The following SYT1 variants were observed in gnomAD, a reference collection of about 807,000 sequenced individuals.
SYT1 encodes synaptotagmin-1.
In SYT1, 8 loss-of-function variants were observed where a neutral mutation model predicts 44.8. That is an observed-to-expected ratio of 0.18 (90% CI 0.10 to 0.32). The LOEUF (loss-of-function observed/expected upper bound fraction) is 0.32, where lower values mean the gene tolerates loss of function less well. Among genes scored for constraint, SYT1 ranks in the 10% least tolerant of loss-of-function variants. SYT1 has a pLI of 1.00. For missense variants in SYT1, 286 were observed against 509.3 expected, an observed-to-expected ratio of 0.56 and a Z score of 4.22; for synonymous variants, 154 against 188.8, an observed-to-expected ratio of 0.82 and a Z score of 1.51.
chr12:78,892,998 C>G (rs1285937479), intron 1 of SYT1, among the ~76,000 whole-genome samples: 5 of 151,744 alleles, frequency 3.3e-5, no homozygotes, highest in Admixed American at 2.0e-4. Flanking sequence ...AACTAAATTG[C>G]CCAAATAAGT....
At chr12:78,924,846 A>T (rs1241107856) in intron 1 of SYT1, among the ~76,000 whole-genome samples, 1 of 151,472 alleles carries the variant, frequency 6.6e-6, no homozygotes, top group Admixed American at 6.6e-5. Flanking sequence ...CCCTGGAATC[A>T]GTAATTTTCC....
intron 4 of SYT1, among the ~76,000 whole-genome samples, chr12:79,277,604 A>G (rs189982623): frequency 6.6e-6 from 1 of 152,300 alleles, no homozygotes; most frequent in African/African-American, 2.4e-5. Flanking sequence ...AAATAATAAC[A>G]CAGTGGAGAA....
At chr12:79,015,360 C>T (rs1871737086) in intron 2 of SYT1, among the ~76,000 whole-genome samples, 1 of 152,060 alleles carries the variant, frequency 6.6e-6, no homozygotes, top group East Asian at 1.9e-4. Context: ...GTAATATTGT[C>T]CTTTTGTTTT....
rs369631872 is a variant in SYT1 at position 79,100,961 on chromosome 12, T to G, written c.-18+53599T>G. Among the ~76,000 whole-genome samples the G allele has an allele frequency of 7.2e-5, 11 of 152,256 alleles. 1 individual carries two copies. The East Asian group carries it at 7.7e-4, about 11-fold the overall frequency. ...TGTGGCTTTAAAATAAGTATGTTAT[T>G]TCTACCTCACTGCAATGGAAAACAT... is the stretch of plus-strand genomic sequence containing the variant. On this transcript the variant is annotated intron_variant, in intron 3 of 10. Coordinates refer to ENST00000261205, the MANE Select transcript of SYT1 (RefSeq NM_005639.3).
intron 3 of SYT1, among the ~76,000 whole-genome samples, chr12:79,093,531 T>C (rs1024755871): frequency 7.9e-5 from 12 of 151,824 alleles, no homozygotes; most frequent in African/African-American, 2.4e-4. Context: ...TTTTTACCAG[T>C]GCACTTTTTC....
chr12:79,072,853 A>G lies in SYT1; in HGVS notation c.-18+25491A>G, dbSNP rs577424784. On this transcript the variant is annotated intron_variant, in intron 3 of 10. Coordinates refer to ENST00000261205, the MANE Select transcript of SYT1 (RefSeq NM_005639.3). ...GTATTGGGAACACAGCAATGAACAC[A>G]ATGTTCCAAGTCTCTGCCCTCAAAT... is the stretch of plus-strand genomic sequence containing the variant. Among the ~76,000 whole-genome samples the G allele has an allele frequency of 2.0e-5, 3 of 152,128 alleles. No individual in the cohort carries two copies. The East Asian group carries it at 5.8e-4, about 29-fold the overall frequency.
At chr12:79,092,318 A>G (rs1877831874) in intron 3 of SYT1, among the ~76,000 whole-genome samples, 1 of 151,830 alleles carries the variant, frequency 6.6e-6, no homozygotes, top group African/African-American at 2.4e-5. Context: ...AATGTTTCCA[A>G]TTGTGTCCTA....
intron 3 of SYT1, among the ~76,000 whole-genome samples, chr12:79,201,329 T>C (rs1446922689): frequency 1.3e-5 from 2 of 152,196 alleles, no homozygotes; most frequent in African/African-American, 4.8e-5. Flanking sequence ...TATTTAAAAG[T>C]TGATAAATCT....
In SYT1 at chr12:78,957,142, C is replaced by T. The variant is rs111882150; in HGVS notation, c.-216-20657C>T. Among the ~76,000 whole-genome samples, 202 of 152,170 alleles carry T rather than the reference C, an allele frequency of 1.3e-3. 1 individual carries two copies. Among genetic ancestry groups the T allele is most frequent in the Middle Eastern group, 0.01 (3 of 294 alleles). On this transcript the variant is annotated intron_variant, in intron 1 of 10. Transcript: ENST00000261205. Reference sequence around the variant, plus strand: ...GTTTTTCTATCAATTGTCAATTTACCGGAAAATATACCCATGTGCCTTGAT... The same window carrying T: ...GTTTTTCTATCAATTGTCAATTTACTGGAAAATATACCCATGTGCCTTGAT...
intron 1 of SYT1, among the ~76,000 whole-genome samples, chr12:78,952,989 T>C (rs189924894): frequency 2.2e-4 from 34 of 152,260 alleles, no homozygotes; most frequent in African/African-American, 7.7e-4. Flanking sequence ...ATTTTTTGTG[T>C]CTCATTTTTT....
At position 79,024,982 on chromosome 12, in the gene SYT1, A is replaced by G. The variant is rs192430794; in HGVS notation, c.-83-22315A>G. Among the ~76,000 whole-genome samples, 764 of 151,972 alleles carry G rather than the reference A, an allele frequency of 5.0e-3. 3 individuals are homozygous for G. The highest frequency in any genetic ancestry group is 7.5e-3 in the Non-Finnish European group (511 of 67,860). ...TTGATAGTCTAAAGCAAAGCAGAACACACTTATTTAAAATGTGCTTATAAG... is the reference window on the plus strand; with the variant it reads ...TTGATAGTCTAAAGCAAAGCAGAACGCACTTATTTAAAATGTGCTTATAAG... On this transcript the variant is annotated intron_variant, in intron 2 of 10. Coordinates refer to ENST00000261205, the MANE Select transcript of SYT1 (RefSeq NM_005639.3).
At chr12:78,904,600 T>G (rs939292203) in intron 1 of SYT1, among the ~76,000 whole-genome samples, 4 of 152,108 alleles carry the variant, frequency 2.6e-5, no homozygotes, top group Admixed American at 6.6e-5. Context: ...TGGAAAACTT[T>G]TAAAAAGAAA....
At chr12:78,881,371 A>G (rs1170681844) in intron 1 of SYT1, among the ~76,000 whole-genome samples, 6 of 151,694 alleles carry the variant, frequency 4.0e-5, no homozygotes, top group Non-Finnish European at 8.8e-5. Context: ...TATTTCCAGC[A>G]TTACATTTGT....
At chr12:78,923,236 C>T (rs921923051) in intron 1 of SYT1, among the ~76,000 whole-genome samples, 3 of 151,958 alleles carry the variant, frequency 2.0e-5, no homozygotes, top group Non-Finnish European at 4.4e-5. Flanking sequence ...GAGGATCCAA[C>T]TTTATTATTT....
intron 4 of SYT1, among the ~76,000 whole-genome samples, chr12:79,257,126 T>G (rs1877565512): frequency 2.0e-5 from 3 of 152,194 alleles, no homozygotes; most frequent in Admixed American, 2.0e-4. Context: ...AAAATTCAAT[T>G]TTATCTGAAA....
intron 9 of SYT1, among the ~76,000 whole-genome samples, chr12:79,391,192 G>A (rs1242881781): frequency 6.6e-6 from 1 of 152,150 alleles, no homozygotes; most frequent in Admixed American, 6.5e-5. Context: ...GAAGTTCTGG[G>A]GGGCATTTGT....
At chr12:79,179,084 A>G (rs1317081317) in intron 3 of SYT1, among the ~76,000 whole-genome samples, 1 of 126,838 alleles carries the variant, frequency 7.9e-6, no homozygotes, top group Non-Finnish European at 1.6e-5. Context: ...AGATATAGAT[A>G]TAGATATATA....
At chr12:79,096,140 TTC>T (rs749579691) in intron 3 of SYT1, among the ~76,000 whole-genome samples, 1 of 151,922 alleles carries the variant, frequency 6.6e-6, no homozygotes, top group Non-Finnish European at 1.5e-5. Context: ...TAGTGATAAT[TTC>T]TCTGTCAGAC....
At chr12:79,315,969 T>C (rs9668521) in intron 8 of SYT1, among the ~76,000 whole-genome samples, 1,609 of 152,316 alleles carry the variant, frequency 0.011, 30 homozygotes, top group African/African-American at 0.036. Flanking sequence ...TTCTCAGAGA[T>C]TCCCCCAAGT....
Sources: allele counts gnomAD v4.1 joint callset (sites outside exome capture counted in the v4.1 genomes callset), GRCh38; gene constraint gnomAD v4.1.1; transcripts MANE v1.5; gene names NCBI Gene and HGNC (gene_info 2026-07-23, HGNC 2026-07-21).